The following NWD1 variants were observed in gnomAD, a reference collection of about 807,000 sequenced individuals.
NWD1 encodes NACHT and WD repeat domain containing 1, also known as NACHT domain- and WD repeat-containing protein 1.
In NWD1, 129 loss-of-function variants were observed where a neutral mutation model predicts 135.1. That is an observed-to-expected ratio of 0.96 (90% CI 0.83 to 1.11). NWD1 has a LOEUF of 1.11. NWD1 is among the 50% of genes least tolerant of loss of function. The pLI, the probability that NWD1 is intolerant of heterozygous loss-of-function variation, is 0.00. For missense variants in NWD1, 1,740 were observed against 1,851.3 expected (o/e 0.94, Z 1.10); for synonymous variants, 773 against 786.0 (o/e 0.98, Z 0.28).
chr19:16,755,827 C>T (rs981156903), intron 6 of NWD1, among the ~76,000 whole-genome samples: 3 of 152,086 alleles, frequency 2.0e-5, no homozygotes, highest in Non-Finnish European at 4.4e-5. Context: ...CGTGAGCCAC[C>T]GTACCTGGCC....
chr19:16,749,666 C>T lies in NWD1; in HGVS notation c.1024C>T (p.Pro342Ser), dbSNP rs1261391509. 3.1e-6 allele frequency: 5 copies of T among 1,599,942 alleles called. No individual in the cohort carries two copies. The highest frequency in any genetic ancestry group is 4.3e-6 in the Non-Finnish European group (5 of 1,170,962). The change falls in exon 6 of 19, where the codon CCC becomes TCC. Residue 342 changes from proline to serine, a missense_variant. Physicochemically the swap from Pro to Ser is moderately conservative, Grantham distance 74. Coordinates refer to ENST00000524140, the MANE Select transcript of NWD1 (RefSeq NM_001007525.5). ...GCACACCCCCCTGGTACTCTTTGGG[C>T]CCCCAGGCATTGGAAAGACAGCCCT... ...KQHTPLVLFG[P>S]PGIGKTALMC...
chr19:16,784,492 G>A (rs1366815205), intron 12 of NWD1, among the ~76,000 whole-genome samples: 2 of 152,116 alleles, frequency 1.3e-5, no homozygotes, highest in African/African-American at 4.8e-5. Flanking sequence ...ATCCGCAGGG[G>A]TGAAGGAAGG....
chr19:16,817,476 C>A lies in NWD1; in HGVS notation c.*2437C>A, dbSNP rs1345078670. ...AATTAGCCTGGTGTGGTGACGTACACCTGTAATTCCAGCTACTTGGGAGGC... is the reference window on the plus strand; with the variant it reads ...AATTAGCCTGGTGTGGTGACGTACAACTGTAATTCCAGCTACTTGGGAGGC... On this transcript the variant is annotated 3_prime_UTR_variant, in exon 19 of 19. Transcript: ENST00000524140. 1 of 150,726 alleles carries A rather than the reference C, an allele frequency of 6.6e-6. No homozygotes were observed. Among genetic ancestry groups the A allele is most frequent in the East Asian group, 1.9e-4 (1 of 5,140 alleles). The allele number at this position is 150,726 out of a possible 1,614,324, so 9.3% of individuals were successfully genotyped here. A position where few individuals can be genotyped will look rare whatever the true frequency, so the allele number is the denominator to read the frequency against.
At chr19:16,773,768 C>T (rs1969496996) in intron 11 of NWD1, among the ~76,000 whole-genome samples, 1 of 152,056 alleles carries the variant, frequency 6.6e-6, no homozygotes. Context: ...TTTTTTTCTT[C>T]CTTCCATTCA....
intron 16 of NWD1, among the ~76,000 whole-genome samples, chr19:16,799,102 G>C (rs540601086): frequency 3.9e-5 from 6 of 152,246 alleles, no homozygotes; most frequent in Admixed American, 3.9e-4. Flanking sequence ...GTAAGTTAAA[G>C]GAATGGGAAG....
At chr19:16,760,643 T>G (rs1385220253) in intron 7 of NWD1, among the ~76,000 whole-genome samples, 1 of 152,044 alleles carries the variant, frequency 6.6e-6, no homozygotes, top group Non-Finnish European at 1.5e-5. Flanking sequence ...CAGGCTAGAG[T>G]GCAGCGGCAC....
intron 16 of NWD1, among the ~76,000 whole-genome samples, chr19:16,798,255 C>T (rs976963324): frequency 6.6e-6 from 1 of 152,030 alleles, no homozygotes; most frequent in Non-Finnish European, 1.5e-5. Flanking sequence ...AGTCTCAGGC[C>T]TCTTGAAGTT....
In NWD1 at chr19:16,749,134, G is replaced by T; in HGVS notation, c.497-5G>T. 1 of 1,582,292 alleles carries T rather than the reference G, an allele frequency of 6.3e-7. No homozygotes were observed. The highest frequency in any genetic ancestry group is 1.1e-5 in the South Asian group (1 of 87,216). On this transcript the variant is annotated splice_region_variant and splice_polypyrimidine_tract_variant and intron_variant, in intron 5 of 18. Transcript: ENST00000524140. ...ACTTCCTTCCCACCTTCCCCACTTT[G>T]GCAGTCATTGAGTGGGAGATAGAGC...
At chr19:16,783,469 T>C (rs576117964) in intron 12 of NWD1, among the ~76,000 whole-genome samples, 93 of 152,114 alleles carry the variant, frequency 6.1e-4, no homozygotes, top group African/African-American at 2.2e-3. Context: ...ACTCTGTCTC[T>C]ACTAAAAATA....
At chr19:16,813,344 G>A (rs1319679199) in intron 18 of NWD1, among the ~76,000 whole-genome samples, 1 of 152,172 alleles carries the variant, frequency 6.6e-6, no homozygotes, top group Non-Finnish European at 1.5e-5. Flanking sequence ...ATCAATATAA[G>A]AGGACACAGC....
At chr19:16,736,602 C>G in intron 3 of NWD1, 32 bp from the exon 4 acceptor site, 1 of 1,337,884 alleles carries the variant, frequency 7.5e-7, no homozygotes, top group Non-Finnish European at 1.0e-6. Context: ...GTCATGCCAC[C>G]TCTCTGACAA....
At chr19:16,787,493 CA>C (rs1970076580) in intron 12 of NWD1, among the ~76,000 whole-genome samples, 2 of 152,112 alleles carry the variant, frequency 1.3e-5, no homozygotes, top group South Asian at 4.1e-4. Context: ...TTTGCTTTGC[CA>C]CATTTCATTA....
rs778376303 is a variant in NWD1 at position 16,744,563 on chromosome 19, C to T, written c.341C>T (p.Ala114Val). 157 of 1,535,160 alleles carry T rather than the reference C, an allele frequency of 1.0e-4. No homozygotes were observed. Among genetic ancestry groups the T allele is most frequent in the South Asian group, 4.5e-4 (38 of 84,000 alleles). The change falls in exon 5 of 19, where the codon GCG (alanine) becomes GTG (valine). Residue 114 changes from alanine to valine, a missense_variant. Transcript: ENST00000524140. Reference protein sequence around the residue: ...VARYFQRDENAFPPTYVLQAP... With the variant: ...VARYFQRDENVFPPTYVLQAP... ...CGATACTTCCAGAGGGACGAGAATG[C>T]GTTTCCTCCCACCTACGTCCTGCAG...
intron 14 of NWD1, among the ~76,000 whole-genome samples, chr19:16,793,646 G>A (rs1043384257): frequency 3.3e-5 from 5 of 150,110 alleles, no homozygotes; most frequent in African/African-American, 1.2e-4. Context: ...GCGCAATCTC[G>A]GCTCACTGAA....
chr19:16,764,191 A>C (rs1969127628), intron 9 of NWD1, among the ~76,000 whole-genome samples: 1 of 151,852 alleles, frequency 6.6e-6, no homozygotes, highest in South Asian at 2.1e-4. Flanking sequence ...AATGCTGCTT[A>C]ATACCCTACA....
chr19:16,758,791 C>T (rs796499787), intron 6 of NWD1, among the ~76,000 whole-genome samples: 2 of 151,828 alleles, frequency 1.3e-5, no homozygotes, highest in Admixed American at 6.6e-5. Context: ...AGGTGGATCA[C>T]GAGGTCAGGA....
At position 16,738,886 on chromosome 19, in the gene NWD1, A is replaced by C. The variant is rs185908504; in HGVS notation, c.198+2136A>C. Among the ~76,000 whole-genome samples, 3 of 141,938 alleles carry C rather than the reference A, an allele frequency of 2.1e-5. No homozygotes were observed. The East Asian group carries it at 5.9e-4, about 28-fold the overall frequency. 93.1% of individuals were successfully genotyped at this position (141,938 alleles called of 152,430 possible). ...TATAATATATAATACATTATATATT[A>C]TATATATATATATTTCACTCCTTTT... is the stretch of plus-strand genomic sequence containing the variant. On this transcript the variant is annotated intron_variant, in intron 4 of 18. Coordinates refer to ENST00000524140, the MANE Select transcript of NWD1 (RefSeq NM_001007525.5).
At position 16,779,378 on chromosome 19, in the gene NWD1, C is replaced by A. The variant is rs772893531; in HGVS notation, c.2644C>A (p.Leu882Met). 1.9e-6 allele frequency: 3 copies of A among 1,613,788 alleles called. No homozygotes were observed. The highest frequency in any genetic ancestry group is 2.5e-6 in the Non-Finnish European group (3 of 1,179,958). ...CATGGCATGGGGTGTGGAGGAGAAG[C>A]TGCTGGTGATTGGCACCCAGGATGG... is the stretch of plus-strand genomic sequence containing the variant. ...TAMAWGVEEKLLVIGTQDGIM... is the reference protein window; with the variant it reads ...TAMAWGVEEKMLVIGTQDGIM... Residue 882 changes from leucine (L) to methionine (M), a missense_variant, in exon 12 of 19, where the codon CTG (leucine) becomes ATG (methionine). Transcript: ENST00000524140.
At chr19:16,787,875 AC>A (rs1240686799) in intron 12 of NWD1, among the ~76,000 whole-genome samples, 35 of 68,752 alleles carry the variant, frequency 5.1e-4, no homozygotes, top group African/African-American at 1.9e-3. Flanking sequence ...AGTAATAATA[AC>A]AATAATAATA....
Sources: gnomAD v4.1 joint callset for allele counts (sites outside exome capture counted in the v4.1 genomes callset) on GRCh38, gnomAD v4.1.1 for gene constraint, MANE v1.5 for transcripts, NCBI Gene and HGNC (gene_info 2026-07-23, HGNC 2026-07-21) for gene names.